Variants in RASA3 observed in about 807,000 individuals in gnomAD.
RASA3 encodes RAS p21 protein activator 3.
RASA3 carries 73 observed loss-of-function variants against 110.0 expected under a neutral mutation model. That is an observed-to-expected ratio of 0.66 (90% CI 0.55 to 0.81). The LOEUF (loss-of-function observed/expected upper bound fraction) is 0.81. RASA3 is among the 30% of genes least tolerant of loss of function. The pLI is 0.00. For missense variants in RASA3, 976 were observed against 1,113.2 expected, an observed-to-expected ratio of 0.88 and a Z score of 1.75; for synonymous variants, 500 against 451.4, an observed-to-expected ratio of 1.11 and a Z score of -1.37.
intron 1 of RASA3, among the ~76,000 whole-genome samples, chr13:114,076,439 A>C (rs2139680885): frequency 6.6e-6 from 1 of 152,110 alleles, no homozygotes; most frequent in South Asian, 2.1e-4. Flanking sequence ...CGGTCATCCC[A>C]TGTCAGAAGA....
At position 114,096,214 on chromosome 13, in the gene RASA3, C is replaced by T. The variant is rs754245907; in HGVS notation, c.56-22377G>A. 7.9e-5 allele frequency among the ~76,000 whole-genome samples: 12 copies of T among 152,150 alleles called. No homozygotes were observed. The highest frequency in any genetic ancestry group is 1.3e-4 in the Non-Finnish European group (9 of 68,024). On this transcript the variant is annotated intron_variant, in intron 1 of 23. Coordinates refer to ENST00000334062, the MANE Select transcript of RASA3 (RefSeq NM_007368.4). The surrounding 1 kb of genome is among the most constrained non-coding windows in gnomAD (Gnocchi z 5.1). ...GCATCGGTGTGCTGGGAAGGGAGTG[C>T]GCAGGCCCACCCCGGCGTGCTGCCT... is the stretch of plus-strand genomic sequence containing the variant.
chr13:114,018,765 C>T lies in RASA3; in HGVS notation c.940G>A (p.Glu314Lys). Residue 314 changes from glutamate to lysine, a missense_variant and splice_region_variant, in exon 10 of 24, where the codon GAG becomes AAG. Physicochemically the swap from Glu to Lys is moderately conservative, Grantham distance 56 (BLOSUM62 1). Around this residue, in one of 4 missense-constraint regions of RASA3, gnomAD observed 732 missense variants for 779.7 expected, o/e 0.94. Coordinates refer to ENST00000334062, the MANE Select transcript of RASA3 (RefSeq NM_007368.4). ...RDLLLKSADV[E>K]PVSASAAHIL... ...CAGGCCACGGCGTGGACAAGCACCTCCACATCCGCAGACTTCAACAGCAGG... is the reference window on the plus strand; with the variant it reads ...CAGGCCACGGCGTGGACAAGCACCTTCACATCCGCAGACTTCAACAGCAGG... 6.2e-7 allele frequency: 1 copy of T among 1,613,122 alleles called. No homozygotes were observed. Among genetic ancestry groups the T allele is most frequent in the Non-Finnish European group, 8.5e-7 (1 of 1,179,840 alleles).
intron 18 of RASA3, among the ~76,000 whole-genome samples, chr13:114,005,213 C>T (rs1487041647): frequency 1.3e-5 from 2 of 152,178 alleles, no homozygotes; most frequent in Non-Finnish European, 2.9e-5. Context: ...AAGCCCCATC[C>T]AATACAACTG....
chr13:114,098,368 C>CAT (rs1416931583), intron 1 of RASA3, among the ~76,000 whole-genome samples: 49 of 152,256 alleles, frequency 3.2e-4, no homozygotes, highest in Non-Finnish European at 5.4e-4. Context: ...CCAGGGTCTG[C>CAT]GTGCCCAGCC....
rs2053813436 is a variant in RASA3 at position 114,017,226 on chromosome 13, C to G, written c.1206+11G>C. On this transcript the variant is annotated intron_variant, in intron 12 of 23. Transcript: ENST00000334062. ...CCTCGTGAGGCTGAGGACTCTCGGC[C>G]CCGTGCTCACCTCCTCGATGGCGGG... 6.2e-7 allele frequency: 1 copy of G among 1,609,442 alleles called. No homozygotes were observed. The highest frequency in any genetic ancestry group is 1.1e-5 in the South Asian group (1 of 91,020).
rs2080262395 is a variant in RASA3 at position 114,115,287 on chromosome 13, G to A, written c.55+17148C>T. 6.6e-6 allele frequency among the ~76,000 whole-genome samples: 1 copy of A among 152,312 alleles called. No individual in the cohort carries two copies. Among genetic ancestry groups the A allele is most frequent in the East Asian group, 1.9e-4 (1 of 5,188 alleles). ...TTCCCGAGTGTCTCCTGGCTGGGAC[G>A]GCTGGTGAGGATGTGAGTTCAATAG... On this transcript the variant is annotated intron_variant, in intron 1 of 23. Coordinates refer to ENST00000334062, the MANE Select transcript of RASA3 (RefSeq NM_007368.4). The surrounding 1 kb of genome is among the most constrained non-coding windows in gnomAD (Gnocchi z 5.0).
rs746333489 is a variant in RASA3 at position 114,007,566 on chromosome 13, T to C, written c.1709A>G (p.Lys570Arg). 6 of 1,613,604 alleles carry C rather than the reference T, an allele frequency of 3.7e-6. No homozygotes were observed. In the South Asian group the frequency reaches 4.4e-5, roughly 12 times the overall value. The change falls in exon 18 of 24, where the codon AAG (lysine) becomes AGG (arginine). Residue 570 changes from lysine (K) to arginine (R), a missense_variant. This residue lies in a region of RASA3 where 732 missense variants were observed against 779.7 expected (regional missense o/e 0.94). Transcript: ENST00000334062. ...AAGCACGATGGGCTGCTCAACACTCTTGGGGTCTCTTCTCCCCGAGGACGA... is the reference window on the plus strand; with the variant it reads ...AAGCACGATGGGCTGCTCAACACTCCTGGGGTCTCTTCTCCCCGAGGACGA... ...LISSSGRRDP[K>R]SVEQPIVLKE... is the part of the protein sequence containing the mutation.
intron 8 of RASA3, among the ~76,000 whole-genome samples, chr13:114,022,506 G>T (rs750192590): frequency 1.3e-5 from 2 of 152,232 alleles, no homozygotes; most frequent in Non-Finnish European, 2.9e-5. Context: ...TGGGCATCAG[G>T]GGCATCCCCC....
In RASA3 at chr13:114,016,147, A is replaced by G. The variant is rs2053785807; in HGVS notation, c.1281+50T>C. ...GAGCTTCCAGGCAGCCATCGGCTGA[A>G]AAACCCCAAGCAGGTGACTGGCTTT... On this transcript the variant is annotated intron_variant, in intron 13 of 23. Transcript: ENST00000334062. The G allele has an allele frequency of 2.0e-6, 3 of 1,503,524 alleles. No individual in the cohort carries two copies. The East Asian group carries it at 6.8e-5, about 34-fold the overall frequency. 93.1% of individuals were successfully genotyped at this position (1,503,524 alleles called of 1,614,324 possible). A position where few individuals can be genotyped will look rare whatever the true frequency, so the allele number is the denominator to read the frequency against.
In RASA3 at chr13:114,018,886, C is replaced by G; in HGVS notation, c.819G>C (p.Lys273Asn). The change falls in exon 10 of 24, where the codon AAG becomes AAC. Residue 273 changes from lysine (K) to asparagine (N), a missense_variant. By Grantham distance (94) the Lys-to-Asn change is moderately conservative (BLOSUM62 0). Transcript: ENST00000334062. ...AGCCCAGGTCGTCTGGCTTTAGGCTCTTGCTACCATTGTCCCGGGGCTGGA... is the reference window on the plus strand; with the variant it reads ...AGCCCAGGTCGTCTGGCTTTAGGCTGTTGCTACCATTGTCCCGGGGCTGGA... The part of the protein sequence containing the change: ...YFLQPRDNGS[K>N]SLKPDDLGSL... The G allele has an allele frequency of 1.9e-6, 3 of 1,613,898 alleles. No individual in the cohort carries two copies. The highest frequency in any genetic ancestry group is 2.2e-5 in the South Asian group (2 of 91,080).
intron 3 of RASA3, among the ~76,000 whole-genome samples, chr13:114,051,012 G>C (rs542980316): frequency 6.6e-6 from 1 of 152,218 alleles, no homozygotes; most frequent in Non-Finnish European, 1.5e-5. Context: ...GGGGTGGAGC[G>C]GCCGTGACAC....
In RASA3 at chr13:114,074,974, T is replaced by TA. The variant is rs201622148; in HGVS notation, c.56-1138dup. Among the ~76,000 whole-genome samples the TA allele has an allele frequency of 4.7e-3, 715 of 152,042 alleles. 1 individual carries two copies. Among genetic ancestry groups the TA allele is most frequent in the Non-Finnish European group, 8.1e-3 (548 of 67,958 alleles). ...GGATGCCCAGTTTAAGTCCATTCTG[T>TA]AAAAAAAACGCCTCAAACACACTCG... On this transcript the variant is annotated intron_variant, in intron 1 of 23. Coordinates refer to ENST00000334062, the MANE Select transcript of RASA3 (RefSeq NM_007368.4).
At chr13:114,015,908 G>C (rs909528020) in intron 13 of RASA3, among the ~76,000 whole-genome samples, 15 of 152,012 alleles carry the variant, frequency 9.9e-5, no homozygotes, top group African/African-American at 3.1e-4. Flanking sequence ...CAGACCCTCC[G>C]GGGGGGCAGA....
intron 1 of RASA3, among the ~76,000 whole-genome samples, chr13:114,110,306 C>G (rs2080199448): frequency 1.3e-5 from 2 of 152,210 alleles, no homozygotes; most frequent in African/African-American, 4.8e-5. Context: ...GGCCCCTGAC[C>G]ATACCCTGTG....
chr13:114,012,044 C>G (rs576311968), intron 15 of RASA3, among the ~76,000 whole-genome samples: 1 of 152,054 alleles, frequency 6.6e-6, no homozygotes, highest in Non-Finnish European at 1.5e-5. Context: ...CTGAGAGCTG[C>G]GGCCCCAGCA....
At chr13:114,060,426 A>ATCG (rs2079319103) in intron 2 of RASA3, among the ~76,000 whole-genome samples, 1 of 152,216 alleles carries the variant, frequency 6.6e-6, no homozygotes, top group Non-Finnish European at 1.5e-5. Context: ...TGGACCAGGA[A>ATCG]GGGAAGGTCA....
chr13:114,005,656 C>T (rs1027391726), intron 18 of RASA3, among the ~76,000 whole-genome samples: 5 of 152,188 alleles, frequency 3.3e-5, no homozygotes, highest in African/African-American at 7.2e-5. Flanking sequence ...GGCTGCTGGC[C>T]AGCAAGGGAG....
intron 1 of RASA3, among the ~76,000 whole-genome samples, chr13:114,081,002 C>A (rs959987640): frequency 3.7e-3 from 539 of 144,790 alleles, no homozygotes; most frequent in Middle Eastern, 0.019. Flanking sequence ...AGAGGGCCGT[C>A]CACCTAGAAC....
At chr13:114,009,258 C>A in intron 17 of RASA3, 129 bp downstream of exon 17, 1 of 745,562 alleles carries the variant, frequency 1.3e-6, no homozygotes, top group South Asian at 1.7e-5. Context: ...GTGAATGCAC[C>A]GAACGCCTTT....
Sources: gnomAD v4.1 joint callset for allele counts (sites outside exome capture counted in the v4.1 genomes callset) on GRCh38, gnomAD v4.1.1 for gene constraint, gnomAD v4.1.1 regional missense constraint, Gnocchi (gnomAD v3.1) non-coding constraint, MANE v1.5 for transcripts, NCBI Gene and HGNC (gene_info 2026-07-23, HGNC 2026-07-21) for gene names.